Variants in RNF220 observed in about 807,000 individuals in gnomAD.
RNF220 encodes E3 ubiquitin-protein ligase RNF220.
RNF220 carries 7 observed loss-of-function variants against 67.1 expected under a neutral mutation model. The observed-to-expected ratio is 0.10, with a 90% CI of 0.06 to 0.20. RNF220 has a LOEUF of 0.20. Ranked by LOEUF, RNF220 falls within the 10% of genes least tolerant of loss-of-function variation. The pLI is 1.00. For synonymous variants in RNF220, 270 were observed against 283.2 expected (o/e 0.95, Z 0.47); for missense variants, 565 against 740.3 (o/e 0.76, Z 2.75).
intron 2 of RNF220, among the ~76,000 whole-genome samples, chr1:44,464,947 T>C (rs957878016): frequency 5.3e-5 from 8 of 152,220 alleles, no homozygotes; most frequent in Admixed American, 5.2e-4. Flanking sequence ...TGCATTATAC[T>C]TACTGGTTTA....
intron 2 of RNF220, among the ~76,000 whole-genome samples, chr1:44,564,691 G>T (rs554316136): frequency 1.3e-5 from 2 of 150,038 alleles, no homozygotes; most frequent in African/African-American, 4.9e-5. Context: ...AGGCAGAGGT[G>T]CAGTGAGCAG....
chr1:44,605,940 T>G (rs1269833835), intron 2 of RNF220, among the ~76,000 whole-genome samples: 1 of 152,108 alleles, frequency 6.6e-6, no homozygotes, highest in Non-Finnish European at 1.5e-5. Flanking sequence ...TGCACAGCTG[T>G]TCCCAGGACA....
chr1:44,516,697 T>C (rs1308159850), intron 2 of RNF220, among the ~76,000 whole-genome samples: 1 of 151,998 alleles, frequency 6.6e-6, no homozygotes, highest in African/African-American at 2.4e-5. Context: ...GTGTCTATTA[T>C]ATGCCATGTG....
chr1:44,645,238 C>T lies in RNF220; in HGVS notation c.1328C>T (p.Thr443Met), dbSNP rs143641307. ...GAVLNGGPPSTRITPEFSKWA... is the reference protein window; with the variant it reads ...GAVLNGGPPSMRITPEFSKWA... ...TCCTCCAGTGGCGGCCCTCCCAGCA[C>T]GCGCATCACACCTGAGTTCTCTAAA... Residue 443 changes from threonine (T) to methionine (M), a missense_variant, in exon 11 of 15, where the codon ACG becomes ATG. Thr to Met is a moderately conservative substitution (Grantham distance 81, BLOSUM62 -1). Coordinates refer to ENST00000361799, the MANE Select transcript of RNF220 (RefSeq NM_018150.4). The surrounding 1 kb of genome is among the most constrained non-coding windows in gnomAD (Gnocchi z 5.0). 3.1e-5 allele frequency: 50 copies of T among 1,613,942 alleles called. No individual in the cohort carries two copies. Among genetic ancestry groups the T allele is most frequent in the African/African-American group, 1.1e-4 (8 of 74,866 alleles).
intron 2 of RNF220, among the ~76,000 whole-genome samples, chr1:44,483,767 T>C (rs917410554): frequency 2.0e-5 from 3 of 152,154 alleles, no homozygotes; most frequent in Non-Finnish European, 4.4e-5. Flanking sequence ...GAGATTATGA[T>C]TTATAGTTTG....
At chr1:44,432,262 G>A (rs1486555989) in intron 2 of RNF220, among the ~76,000 whole-genome samples, 2 of 152,090 alleles carry the variant, frequency 1.3e-5, no homozygotes, top group African/African-American at 2.4e-5. Flanking sequence ...AAGTTGGTCT[G>A]CTTTTGTTTG....
At chr1:44,631,804 A>G (rs1644132796) in intron 5 of RNF220, 4 of 672,008 alleles carry the variant, frequency 6.0e-6, no homozygotes, top group Non-Finnish European at 7.3e-6. Context: ...CGCAGCCGCT[A>G]AAGATTGGGT....
At chr1:44,588,285 C>T (rs1323604977) in intron 2 of RNF220, among the ~76,000 whole-genome samples, 3 of 152,202 alleles carry the variant, frequency 2.0e-5, no homozygotes, top group African/African-American at 4.8e-5. Flanking sequence ...TCTACTTGAC[C>T]GCATCTCTCC....
In RNF220 at chr1:44,412,054, G is replaced by A; in HGVS notation, c.-44G>A. On this transcript the variant is annotated 5_prime_UTR_variant, in exon 2 of 15. Coordinates refer to ENST00000361799, the MANE Select transcript of RNF220 (RefSeq NM_018150.4). The surrounding 1 kb of genome is among the most constrained non-coding windows in gnomAD (Gnocchi z 5.3). ...AGTGCTGGTTGGCCTCCCTCCCAGG[G>A]AAGACTGCTTCTTGCGTAACGCCGG... 7.6e-6 allele frequency: 12 copies of A among 1,571,318 alleles called. No homozygotes were observed. Among genetic ancestry groups the A allele is most frequent in the Non-Finnish European group, 9.5e-6 (11 of 1,157,490 alleles).
chr1:44,412,498 C>T lies in RNF220; in HGVS notation c.401C>T (p.Ser134Leu). 2 of 1,612,944 alleles carry T rather than the reference C, an allele frequency of 1.2e-6. No individual in the cohort carries two copies. Among genetic ancestry groups the T allele is most frequent in the Non-Finnish European group, 8.5e-7 (1 of 1,178,998 alleles). ...ASTEDRESYQ[S>L]AFTPAKRLKN... is the part of the protein sequence containing the mutation. ...ACCGAGGACCGGGAGAGCTATCAGTCAGCCTTTACGCCGGCCAAGCGACTT... is the reference window on the plus strand; with the variant it reads ...ACCGAGGACCGGGAGAGCTATCAGTTAGCCTTTACGCCGGCCAAGCGACTT... Residue 134 changes from serine to leucine, a missense_variant, in exon 2 of 15, where the codon TCA becomes TTA. Ser to Leu is a moderately radical substitution (Grantham distance 145, BLOSUM62 -2). Transcript: ENST00000361799. This position sits in a 1 kb window ranked among gnomAD's most constrained non-coding sequence, Gnocchi z 5.3.
chr1:44,528,059 C>A (rs2148181210), intron 2 of RNF220, among the ~76,000 whole-genome samples: 1 of 151,130 alleles, frequency 6.6e-6, no homozygotes, highest in South Asian at 2.1e-4. Context: ...ACAACAAAAG[C>A]CCCACCATAA....
chr1:44,606,107 C>T lies in RNF220; in HGVS notation c.626-8058C>T, dbSNP rs1008484614. Among the ~76,000 whole-genome samples, 1 of 152,228 alleles carries T rather than the reference C, an allele frequency of 6.6e-6. No homozygotes were observed. The highest frequency in any genetic ancestry group is 2.4e-5 in the African/African-American group (1 of 41,460). On this transcript the variant is annotated intron_variant, in intron 2 of 14. Transcript: ENST00000361799. This position sits in a 1 kb window ranked among gnomAD's most constrained non-coding sequence, Gnocchi z 4.2. ...AACTGATTCATCATACATTCAAATC[C>T]GCTGCCCCGCCCCAGCGGGAGGCCC... is the stretch of plus-strand genomic sequence containing the variant.
intron 2 of RNF220, among the ~76,000 whole-genome samples, chr1:44,605,312 A>AAAGG (rs1553120201): frequency 6.8e-5 from 3 of 44,226 alleles, no homozygotes; most frequent in African/African-American, 7.4e-5. Flanking sequence ...AAAAAAAAAA[A>AAAGG]GAAAAGAAAA....
rs1553208880 is a variant in RNF220, at chr1:44,405,374, C to CCTACTGCTGCTG, written c.-271_-260dup. On this transcript the variant is annotated 5_prime_UTR_variant, in exon 1 of 15. Coordinates refer to ENST00000361799, the MANE Select transcript of RNF220 (RefSeq NM_018150.4). ...GCGAACACAAACCCGGGGCCAGCCGCCTACTGCTGCTGCTGCTGCTGCCGC... is the reference window on the plus strand; with the variant it reads ...GCGAACACAAACCCGGGGCCAGCCGCCTACTGCTGCTGCTACTGCTGCTGCTGCTGCTGCCGC... 8 of 578,714 alleles carry CCTACTGCTGCTG rather than the reference C, an allele frequency of 1.4e-5. No homozygotes were observed. The highest frequency in any genetic ancestry group is 3.6e-5 in the South Asian group (2 of 55,980). The allele number at this position is 578,714 out of a possible 1,614,324, so 35.8% of individuals were successfully genotyped here.
chr1:44,445,373 T>G (rs901951285), intron 2 of RNF220, among the ~76,000 whole-genome samples: 5 of 152,234 alleles, frequency 3.3e-5, no homozygotes, highest in Non-Finnish European at 4.4e-5. Context: ...GAAACCCTGT[T>G]GTTGTAATTC....
At chr1:44,489,557 C>T (rs1337050318) in intron 2 of RNF220, among the ~76,000 whole-genome samples, 1 of 152,256 alleles carries the variant, frequency 6.6e-6, no homozygotes, top group Non-Finnish European at 1.5e-5. Context: ...GGCTGTCATC[C>T]ATCTACCTGG....
chr1:44,556,927 G>A (rs1412680169), intron 2 of RNF220, among the ~76,000 whole-genome samples: 1 of 151,790 alleles, frequency 6.6e-6, no homozygotes, highest in Non-Finnish European at 1.5e-5. Context: ...GGGAACCCAT[G>A]GTGCTCACTA....
intron 2 of RNF220, chr1:44,419,479 A>G (rs1274025741): frequency 1.3e-5 from 2 of 152,216 alleles, no homozygotes; most frequent in Non-Finnish European, 2.9e-5. Context: ...AATGGATTGG[A>G]CTTTTCTGTT....
At chr1:44,529,060 TC>T in intron 2 of RNF220, among the ~76,000 whole-genome samples, 1 of 152,230 alleles carries the variant, frequency 6.6e-6, no homozygotes, top group East Asian at 1.9e-4. Context: ...CTTAAAATAT[TC>T]ATATCCTTTA....
Sources: allele counts gnomAD v4.1 joint callset (sites outside exome capture counted in the v4.1 genomes callset), GRCh38; gene constraint gnomAD v4.1.1; non-coding constraint Gnocchi (gnomAD v3.1); transcripts MANE v1.5; gene names NCBI Gene and HGNC (gene_info 2026-07-23, HGNC 2026-07-21).